CSGALNACT1: variants seen among roughly 807,000 people sequenced by gnomAD.
CSGALNACT1 encodes beta4GalNAcT-1.
A neutral mutation model predicts 51.0 loss-of-function variants in CSGALNACT1; 52 were observed. That is an observed-to-expected ratio of 1.02 (90% CI 0.82 to 1.29). The LOEUF (loss-of-function observed/expected upper bound fraction) is 1.29. Ranked by LOEUF, CSGALNACT1 falls within the 50% of genes most tolerant of loss-of-function variation. The pLI is 0.00. For synonymous variants in CSGALNACT1, 341 were observed against 254.4 expected (o/e 1.34, Z -3.24); for missense variants, 935 against 679.2 (o/e 1.38, Z -4.19).
intron 1 of CSGALNACT1, among the ~76,000 whole-genome samples, chr8:19,749,938 T>C (rs564316940): frequency 1.1e-4 from 17 of 152,298 alleles, no homozygotes; most frequent in Non-Finnish European, 2.4e-4. Flanking sequence ...AATCTGGAGA[T>C]GCACCAGGCT....
chr8:19,752,478 T>A (rs1208775003), intron 1 of CSGALNACT1, among the ~76,000 whole-genome samples: 1 of 152,144 alleles, frequency 6.6e-6, no homozygotes, highest in East Asian at 1.9e-4. Context: ...TTTCTAATAT[T>A]TGAGAAACAG....
intron 1 of CSGALNACT1, among the ~76,000 whole-genome samples, chr8:19,649,432 T>A (rs760553495): frequency 3.3e-5 from 5 of 151,998 alleles, no homozygotes; most frequent in African/African-American, 9.7e-5. Flanking sequence ...AAATCCAGTG[T>A]TTTTTTACTC....
At chr8:19,545,076 G>T (rs763099505) in intron 3 of CSGALNACT1, among the ~76,000 whole-genome samples, 1 of 151,934 alleles carries the variant, frequency 6.6e-6, no homozygotes, top group Non-Finnish European at 1.5e-5. Flanking sequence ...CCTGGGAGTT[G>T]TTCTGAAGCA....
intron 6 of CSGALNACT1, among the ~76,000 whole-genome samples, chr8:19,438,502 G>A (rs1180644745): frequency 6.6e-6 from 1 of 152,114 alleles, no homozygotes; most frequent in Non-Finnish European, 1.5e-5. Flanking sequence ...TTTGATCTTA[G>A]ACACAGGCCA....
At chr8:19,427,474 G>C (rs568891494) in intron 6 of CSGALNACT1, among the ~76,000 whole-genome samples, 8 of 152,334 alleles carry the variant, frequency 5.3e-5, no homozygotes, top group East Asian at 1.9e-4. Flanking sequence ...GAGGCCTCCA[G>C]CATGGAGTTT....
chr8:19,495,546 C>A (rs1374985717), intron 4 of CSGALNACT1, among the ~76,000 whole-genome samples: 1 of 152,062 alleles, frequency 6.6e-6, no homozygotes, highest in Non-Finnish European at 1.5e-5. Flanking sequence ...AGGGACTATC[C>A]CTCCCCACAA....
intron 3 of CSGALNACT1, among the ~76,000 whole-genome samples, chr8:19,523,945 T>C (rs2081197526): frequency 6.6e-6 from 1 of 152,178 alleles, no homozygotes; most frequent in African/African-American, 2.4e-5. Context: ...TGAGTATTAT[T>C]TGTTAGGTAG....
At chr8:19,649,526 T>C (rs1470265417) in intron 1 of CSGALNACT1, among the ~76,000 whole-genome samples, 1 of 152,140 alleles carries the variant, frequency 6.6e-6, no homozygotes, top group Non-Finnish European at 1.5e-5. Context: ...GTCTTAGTCC[T>C]ATGTGTTTAC....
chr8:19,515,385 C>T (rs1022492015), intron 3 of CSGALNACT1, among the ~76,000 whole-genome samples: 2 of 152,206 alleles, frequency 1.3e-5, no homozygotes, highest in Non-Finnish European at 2.9e-5. Context: ...AGGGCGTGTT[C>T]TCCAGGGACC....
chr8:19,435,295 C>T (rs182272713), intron 6 of CSGALNACT1, among the ~76,000 whole-genome samples: 57 of 152,212 alleles, frequency 3.7e-4, no homozygotes, highest in Non-Finnish European at 4.4e-4. Context: ...GAGATCGAGA[C>T]CATCCTGGCC....
chr8:19,440,552 T>C (rs1489480120), intron 5 of CSGALNACT1, among the ~76,000 whole-genome samples: 4 of 152,080 alleles, frequency 2.6e-5, no homozygotes, highest in Admixed American at 6.5e-5. Context: ...AAATTAGGTA[T>C]TGATGGGACG....
intron 4 of CSGALNACT1, among the ~76,000 whole-genome samples, chr8:19,490,145 C>T (rs188208723): frequency 2.0e-5 from 3 of 152,320 alleles, no homozygotes; most frequent in East Asian, 3.9e-4. Context: ...GCTCTTCCCC[C>T]GACTTCCCAG....
rs538412643 is a variant in CSGALNACT1, at chr8:19,679,974, G to T, written c.-544+2499C>A. 3.9e-5 allele frequency among the ~76,000 whole-genome samples: 6 copies of T among 152,222 alleles called. No individual in the cohort carries two copies. The East Asian group carries it at 9.7e-4, about 25-fold the overall frequency. On this transcript the variant is annotated intron_variant, in intron 1 of 9. Coordinates refer to the CSGALNACT1 transcript ENST00000332246. ...ATTCAATTCATTTACAGGTTATAAT[G>T]GACAAAGCACCCTTCCAGTAGCAAA...
chr8:19,469,795 A>G (rs2067677404), intron 4 of CSGALNACT1, among the ~76,000 whole-genome samples: 3 of 152,124 alleles, frequency 2.0e-5, no homozygotes, highest in Non-Finnish European at 2.9e-5. Flanking sequence ...TGGGTTTTTC[A>G]TCGCACATTA....
At chr8:19,553,628 TATATATATATAAAA>T (rs1271682904) in intron 3 of CSGALNACT1, among the ~76,000 whole-genome samples, 2 of 139,990 alleles carry the variant, frequency 1.4e-5, no homozygotes, top group African/African-American at 5.5e-5. Context: ...TACATATATA[TATATATATATAAAA>T]AAATATGTCA....
chr8:19,469,217 T>G (rs76069230), intron 4 of CSGALNACT1, among the ~76,000 whole-genome samples: 24,077 of 152,008 alleles, frequency 0.16, 2,030 homozygotes, highest in Middle Eastern at 0.22. Flanking sequence ...CAGCAAGACC[T>G]TGTCTCTAGA....
At position 19,436,834 on chromosome 8, in the gene CSGALNACT1, C is replaced by A. The variant is rs111442694; in HGVS notation, c.953+2996G>T. Among the ~76,000 whole-genome samples the A allele has an allele frequency of 1.3e-3, 194 of 152,156 alleles. No homozygotes were observed. In the Middle Eastern group the frequency reaches 0.02, roughly 16 times the overall value. On this transcript the variant is annotated intron_variant, in intron 6 of 9. Transcript: ENST00000454498. ...GCTAAGTTGGGAAGACCATGTGAGCCCAGGAGTTGGAGGGTGCAGTGAGGT... is the reference window on the plus strand; with the variant it reads ...GCTAAGTTGGGAAGACCATGTGAGCACAGGAGTTGGAGGGTGCAGTGAGGT...
intron 1 of CSGALNACT1, among the ~76,000 whole-genome samples, chr8:19,750,525 C>A (rs902822316): frequency 3.9e-5 from 6 of 152,264 alleles, no homozygotes; most frequent in East Asian, 1.9e-4. Context: ...TGGCTCGGAA[C>A]CTTACCTATA....
At chr8:19,656,900 T>A (rs549259766) in intron 1 of CSGALNACT1, among the ~76,000 whole-genome samples, 194 of 152,030 alleles carry the variant, frequency 1.3e-3, no homozygotes, top group African/African-American at 4.4e-3. Context: ...ACCCTGTTTC[T>A]ATTAAAAATA....
Sources: allele counts gnomAD v4.1 joint callset (sites outside exome capture counted in the v4.1 genomes callset), GRCh38; gene constraint gnomAD v4.1.1; transcripts MANE v1.5; gene names NCBI Gene and HGNC (gene_info 2026-07-23, HGNC 2026-07-21).